PDE4D: variants seen among roughly 807,000 people sequenced by gnomAD.
PDE4D encodes 3',5'-cyclic-AMP phosphodiesterase 4D.
Under a neutral mutation model 87.4 loss-of-function variants are expected in PDE4D, and 24 were observed. The ratio of observed to expected loss-of-function variants is 0.27; its 90% CI spans 0.20 to 0.39. The LOEUF is 0.39. Among genes scored for constraint, PDE4D ranks in the 10% least tolerant of loss-of-function variants. The probability of loss-of-function intolerance (pLI) is 1.00; values close to 1 mark genes in which losing one functional copy is unlikely to be tolerated. For missense variants in PDE4D, 714 were observed against 1,041.0 expected (o/e 0.69, Z 4.32); for synonymous variants, 384 against 383.2 (o/e 1.00, Z -0.02).
At chr5:59,830,304 C>T (rs1032580284) in intron 1 of PDE4D, among the ~76,000 whole-genome samples, 10 of 148,554 alleles carry the variant, frequency 6.7e-5, no homozygotes, top group African/African-American at 7.3e-5. Context: ...GGATTAATAC[C>T]GCTTGAGTTT....
At chr5:59,969,370 G>C (rs1760438571) in intron 3 of PDE4D, among the ~76,000 whole-genome samples, 1 of 152,146 alleles carries the variant, frequency 6.6e-6, no homozygotes, top group Non-Finnish European at 1.5e-5. Context: ...TGGAAGAATG[G>C]AATTATAATT....
intron 2 of PDE4D, among the ~76,000 whole-genome samples, chr5:60,159,796 C>T (rs1271361282): frequency 1.3e-5 from 2 of 152,168 alleles, no homozygotes; most frequent in Non-Finnish European, 2.9e-5. Flanking sequence ...GCATTGACTT[C>T]TTAGAAATCA....
At chr5:59,305,030 C>T (rs913023597) in intron 1 of PDE4D, among the ~76,000 whole-genome samples, 1 of 151,842 alleles carries the variant, frequency 6.6e-6, no homozygotes, top group Admixed American at 6.6e-5. Flanking sequence ...TCTTGGACTT[C>T]TTTTTGTTGA....
At chr5:60,103,809 T>C (rs896377119) in intron 2 of PDE4D, among the ~76,000 whole-genome samples, 4 of 151,854 alleles carry the variant, frequency 2.6e-5, no homozygotes, top group African/African-American at 7.3e-5. Context: ...TTTACTTACA[T>C]CTAGCATTAA....
intron 1 of PDE4D, among the ~76,000 whole-genome samples, chr5:59,705,453 C>A (rs544232909): frequency 6.6e-6 from 1 of 152,262 alleles, no homozygotes; most frequent in African/African-American, 2.4e-5. Context: ...GCCTCTTATT[C>A]CCTACACTTC....
At chr5:60,199,925 TA>T (rs1194021681) in intron 1 of PDE4D, among the ~76,000 whole-genome samples, 1 of 151,654 alleles carries the variant, frequency 6.6e-6, no homozygotes, top group Non-Finnish European at 1.5e-5. Flanking sequence ...ATGTAATTCC[TA>T]TTCTTTGCTT....
intron 1 of PDE4D, among the ~76,000 whole-genome samples, chr5:60,204,277 A>T (rs530631126): frequency 6.6e-6 from 1 of 152,094 alleles, no homozygotes; most frequent in East Asian, 1.9e-4. Flanking sequence ...CTATCTATCT[A>T]TCTGTCTCTA....
At chr5:59,360,198 C>T (rs940313235) in intron 1 of PDE4D, among the ~76,000 whole-genome samples, 5 of 152,082 alleles carry the variant, frequency 3.3e-5, no homozygotes, top group Non-Finnish European at 7.4e-5. Flanking sequence ...TAAACGTAAT[C>T]CACATAGGCA....
At chr5:59,762,234 GTA>G (rs1442684150) in intron 1 of PDE4D, among the ~76,000 whole-genome samples, 4 of 104,276 alleles carry the variant, frequency 3.8e-5, no homozygotes, top group African/African-American at 1.3e-4. Flanking sequence ...ACACATATGC[GTA>G]TATGTGTATA....
intron 1 of PDE4D, among the ~76,000 whole-genome samples, chr5:60,273,836 G>A (rs1751068552): frequency 6.6e-6 from 1 of 152,060 alleles, no homozygotes; most frequent in Non-Finnish European, 1.5e-5. Flanking sequence ...TGAATTTGAG[G>A]TGACTTTGAG....
At chr5:59,478,178 C>T (rs114149813) in intron 1 of PDE4D, among the ~76,000 whole-genome samples, 3,773 of 151,968 alleles carry the variant, frequency 0.025, 73 homozygotes, top group Non-Finnish European at 0.036. Context: ...CACATGTGCC[C>T]CCTGTATCTA....
intron 4 of PDE4D, 91 bp downstream of exon 4, chr5:59,185,098 G>A: frequency 1.1e-6 from 1 of 884,914 alleles, no homozygotes. Context: ...ACAACACAGA[G>A]AAGTCTAACA....
intron 1 of PDE4D, among the ~76,000 whole-genome samples, chr5:60,295,985 T>C (rs1753345528): frequency 6.6e-6 from 1 of 152,188 alleles, no homozygotes; most frequent in African/African-American, 2.4e-5. Context: ...AGGGCCAGCT[T>C]CATCATAGAT....
chr5:59,483,476 G>A (rs886149776), intron 1 of PDE4D, among the ~76,000 whole-genome samples: 6 of 152,046 alleles, frequency 3.9e-5, no homozygotes, highest in African/African-American at 1.4e-4. Flanking sequence ...GACCTGCCCA[G>A]GGCAAGGAGA....
At chr5:60,033,802 G>T (rs916843816) in intron 2 of PDE4D, among the ~76,000 whole-genome samples, 1 of 152,170 alleles carries the variant, frequency 6.6e-6, no homozygotes, top group Non-Finnish European at 1.5e-5. Context: ...TAGAATCAGT[G>T]CAGTGAAAGT....
intron 1 of PDE4D, among the ~76,000 whole-genome samples, chr5:59,889,619 T>C (rs1437836476): frequency 1.3e-5 from 2 of 152,246 alleles, no homozygotes; most frequent in Non-Finnish European, 1.5e-5. Context: ...GCTGCTTGTA[T>C]TTTCAACCTT....
chr5:59,707,544 G>A (rs564711408), intron 1 of PDE4D, among the ~76,000 whole-genome samples: 1 of 152,094 alleles, frequency 6.6e-6, no homozygotes, highest in East Asian at 1.9e-4. Flanking sequence ...GTACATGCAC[G>A]GGATGCACAG....
intron 3 of PDE4D, among the ~76,000 whole-genome samples, chr5:59,192,057 T>C (rs1212662271): frequency 6.6e-6 from 1 of 152,208 alleles, no homozygotes; most frequent in Non-Finnish European, 1.5e-5. Context: ...ATGGTGATTG[T>C]ATTTTATTTT....
chr5:60,172,294 A>G (rs1783532276), intron 2 of PDE4D, among the ~76,000 whole-genome samples: 2 of 151,390 alleles, frequency 1.3e-5, no homozygotes. Context: ...ACACACACAC[A>G]CACACAAATA....
Sources: allele counts gnomAD v4.1 joint callset (sites outside exome capture counted in the v4.1 genomes callset), GRCh38; gene constraint gnomAD v4.1.1; transcripts MANE v1.5; gene names NCBI Gene and HGNC (gene_info 2026-07-23, HGNC 2026-07-21).